Variants in MYO6 observed in about 807,000 individuals in gnomAD.
MYO6 encodes the protein myosin VI, also known as unconventional myosin-VI.
In MYO6, 74 loss-of-function variants were observed where a neutral mutation model predicts 178.7. That is an observed-to-expected ratio of 0.41 (90% CI 0.34 to 0.50). MYO6 has a LOEUF of 0.50. Ranked by LOEUF, MYO6 falls within the 20% of genes least tolerant of loss-of-function variation. The pLI, the probability that MYO6 is intolerant of heterozygous loss-of-function variation, is 0.09. For synonymous variants in MYO6, 477 were observed against 504.6 expected, an observed-to-expected ratio of 0.95 and a Z score of 0.73; for missense variants, 1,330 against 1,547.4, an observed-to-expected ratio of 0.86 and a Z score of 2.36.
chr6:75,791,369 T>G (rs1447718742), intron 1 of MYO6, among the ~76,000 whole-genome samples: 1 of 152,254 alleles, frequency 6.6e-6, no homozygotes, highest in Non-Finnish European at 1.5e-5. Context: ...AATTATGACT[T>G]CAATATGTAT....
At chr6:75,821,302 C>G (rs1240784206) in intron 2 of MYO6, among the ~76,000 whole-genome samples, 2 of 152,214 alleles carry the variant, frequency 1.3e-5, no homozygotes, top group Non-Finnish European at 2.9e-5. Context: ...CCGTAACCCT[C>G]TTGCCATGGC....
intron 18 of MYO6, 149 bp downstream of exon 18, chr6:75,867,254 T>C: frequency 1.5e-6 from 1 of 660,320 alleles, no homozygotes; most frequent in South Asian, 2.2e-5. Flanking sequence ...ATGTAAAATA[T>C]CATAATGTAG....
intron 11 of MYO6, among the ~76,000 whole-genome samples, chr6:75,849,615 A>G (rs1285195070): frequency 1.3e-5 from 2 of 152,186 alleles, no homozygotes; most frequent in African/African-American, 4.8e-5. Context: ...AAAAAAAGCC[A>G]TAGACTTTAT....
At chr6:75,779,054 CTCAA>C (rs1357786561) in intron 1 of MYO6, among the ~76,000 whole-genome samples, 1 of 55,324 alleles carries the variant, frequency 1.8e-5, no homozygotes, top group African/African-American at 1.2e-4. Context: ...GAGACTTTGT[CTCAA>C]AAAAAAAAAA....
chr6:75,900,240 A>G (rs201260991), intron 30 of MYO6, among the ~76,000 whole-genome samples: 19 of 151,998 alleles, frequency 1.3e-4, no homozygotes, highest in South Asian at 1.0e-3. Flanking sequence ...CAGTCCTTTG[A>G]GTATATACCC....
At chr6:75,775,977 C>T (rs1456882334) in intron 1 of MYO6, among the ~76,000 whole-genome samples, 2 of 152,142 alleles carry the variant, frequency 1.3e-5, no homozygotes, top group African/African-American at 4.8e-5. Flanking sequence ...TTATCCTACT[C>T]ATCTTTTAAT....
intron 10 of MYO6, among the ~76,000 whole-genome samples, chr6:75,845,391 C>T (rs1206523805): frequency 1.3e-5 from 2 of 152,100 alleles, no homozygotes; most frequent in Non-Finnish European, 2.9e-5. Flanking sequence ...ATTAAGCGTT[C>T]TTGGGAAGAA....
At chr6:75,820,473 G>A (rs982492072) in intron 2 of MYO6, among the ~76,000 whole-genome samples, 2 of 152,086 alleles carry the variant, frequency 1.3e-5, no homozygotes, top group Non-Finnish European at 2.9e-5. Context: ...GGGTTTGGGC[G>A]ATTCTCCTGC....
At chr6:75,759,536 G>T (rs1206717133) in intron 1 of MYO6, among the ~76,000 whole-genome samples, 2 of 151,954 alleles carry the variant, frequency 1.3e-5, no homozygotes, top group Non-Finnish European at 2.9e-5. Context: ...GTCTCCACCG[G>T]TGACTTACTT....
chr6:75,867,929 G>A (rs1776829041), intron 18 of MYO6, among the ~76,000 whole-genome samples: 1 of 152,052 alleles, frequency 6.6e-6, no homozygotes, highest in Non-Finnish European at 1.5e-5. Context: ...ACTATAGTAT[G>A]TAGAACAAAA....
chr6:75,769,995 G>T (rs1403797792), intron 1 of MYO6, among the ~76,000 whole-genome samples: 2 of 152,198 alleles, frequency 1.3e-5, no homozygotes, highest in Non-Finnish European at 2.9e-5. Context: ...CTTCTGGAGG[G>T]CAGTGGCCCC....
intron 1 of MYO6, among the ~76,000 whole-genome samples, chr6:75,788,640 G>A (rs1272930227): frequency 6.6e-6 from 1 of 152,332 alleles, no homozygotes; most frequent in East Asian, 1.9e-4. Context: ...GTTTCACCAT[G>A]TTGGCCAGGC....
intron 1 of MYO6, among the ~76,000 whole-genome samples, chr6:75,763,682 A>G (rs1028191451): frequency 3.9e-5 from 6 of 152,212 alleles, no homozygotes; most frequent in Non-Finnish European, 5.9e-5. Context: ...TTGAGGTTCA[A>G]TATGTAACAC....
intron 1 of MYO6, among the ~76,000 whole-genome samples, chr6:75,781,366 C>G (rs1408403746): frequency 6.6e-6 from 1 of 152,108 alleles, no homozygotes; most frequent in Non-Finnish European, 1.5e-5. Context: ...AGAGGTCTTT[C>G]TGGCAGGAGT....
Position 75,785,641 on chromosome 6 carries a change from T to A in MYO6, c.-47-31860T>A, listed in dbSNP as rs1011872540. Reference sequence around the variant, plus strand: ...CTGCCTGGCTTTTGCGTTCTGTTAATTTTTTTTTTTCCTATTGTAAGATCA... The same window carrying A: ...CTGCCTGGCTTTTGCGTTCTGTTAAATTTTTTTTTTCCTATTGTAAGATCA... On this transcript the variant is annotated intron_variant, in intron 1 of 34. Coordinates refer to ENST00000369977, the MANE Select transcript of MYO6 (RefSeq NM_004999.4). Among the ~76,000 whole-genome samples, 25 of 147,260 alleles carry A rather than the reference T, an allele frequency of 1.7e-4. 1 individual carries two copies. The highest frequency in any genetic ancestry group is 1.5e-5 in the Non-Finnish European group (1 of 66,756).
chr6:75,870,438 G>T (rs979724922), intron 18 of MYO6, among the ~76,000 whole-genome samples: 1 of 152,108 alleles, frequency 6.6e-6, no homozygotes, highest in East Asian at 1.9e-4. Flanking sequence ...CAACTTCTGT[G>T]TAAGTTATTG....
At chr6:75,803,396 A>G (rs1769684452) in intron 1 of MYO6, among the ~76,000 whole-genome samples, 1 of 152,278 alleles carries the variant, frequency 6.6e-6, no homozygotes, top group African/African-American at 2.4e-5. Flanking sequence ...ATTGATTGCT[A>G]CATTGGAGTT....
At chr6:75,849,586 G>A (rs976344557) in intron 11 of MYO6, among the ~76,000 whole-genome samples, 2 of 152,144 alleles carry the variant, frequency 1.3e-5, no homozygotes. Context: ...AGTGAGTGAT[G>A]GAGACAGGGA....
At chr6:75,770,863 T>C (rs1765813936) in intron 1 of MYO6, among the ~76,000 whole-genome samples, 1 of 152,216 alleles carries the variant, frequency 6.6e-6, no homozygotes, top group Non-Finnish European at 1.5e-5. Context: ...CTTTCCTGAT[T>C]ATTTGATGTC....
Sources: gnomAD v4.1 joint callset for allele counts (sites outside exome capture counted in the v4.1 genomes callset) on GRCh38, gnomAD v4.1.1 for gene constraint, MANE v1.5 for transcripts, NCBI Gene and HGNC (gene_info 2026-07-23, HGNC 2026-07-21) for gene names.